The following TOX variants were observed in gnomAD, a reference collection of about 807,000 sequenced individuals.
TOX encodes the protein thymocyte selection associated high mobility group box, also known as thymocyte selection-associated high mobility group box protein TOX.
A neutral mutation model predicts 53.7 loss-of-function variants in TOX; 11 were observed. The ratio of observed to expected loss-of-function variants is 0.20; its 90% CI spans 0.13 to 0.34. TOX has a LOEUF of 0.34. TOX is among the 10% of genes least tolerant of loss of function. The probability of loss-of-function intolerance (pLI) is 1.00; values close to 1 mark genes in which losing one functional copy is unlikely to be tolerated. For missense variants in TOX, 570 were observed against 664.6 expected (o/e 0.86, Z 1.56); for synonymous variants, 225 against 245.3 (o/e 0.92, Z 0.77).
intron 1 of TOX, among the ~76,000 whole-genome samples, chr8:58,965,941 A>G (rs1812891512): frequency 7.4e-6 from 1 of 135,262 alleles, no homozygotes; most frequent in Admixed American, 7.9e-5. Flanking sequence ...CAGAAGAAAT[A>G]AGGTTGGGCA....
rs569542272 is a variant in TOX at position 59,042,099 on chromosome 8, A to G, written c.102+76787T>C. On this transcript the variant is annotated intron_variant, in intron 1 of 8. Coordinates refer to ENST00000361421, the MANE Select transcript of TOX (RefSeq NM_014729.3). The stretch of plus-strand genomic sequence containing the variant: ...CTACAACCAAAGGGGTTTCTAATAA[A>G]ATACAAATAGTGTCCAAGTATTAAA... Among the ~76,000 whole-genome samples, 4 of 152,328 alleles carry G rather than the reference A, an allele frequency of 2.6e-5. No homozygotes were observed. The South Asian group carries it at 8.3e-4, about 32-fold the overall frequency.
chr8:58,884,755 T>G (rs547154871), intron 3 of TOX, among the ~76,000 whole-genome samples: 1 of 152,312 alleles, frequency 6.6e-6, no homozygotes, highest in Non-Finnish European at 1.5e-5. Context: ...CTTTGGTTAT[T>G]CCATAAAGAT....
At position 58,826,855 on chromosome 8, in the gene TOX, T is replaced by C; in HGVS notation, c.972A>G (p.Gln324=). The C allele has an allele frequency of 6.2e-7, 1 of 1,612,458 alleles. No individual in the cohort carries two copies. The highest frequency in any genetic ancestry group is 8.5e-7 in the Non-Finnish European group (1 of 1,179,306). Residue 324 remains glutamine (Q), a synonymous_variant, in exon 6 of 9, where the codon CAA becomes CAG. Coordinates refer to ENST00000361421, the MANE Select transcript of TOX (RefSeq NM_014729.3). The stretch of plus-strand genomic sequence containing the variant: ...CAAGGCTGGCTCTGTATGCTGCGAG[T>C]TGCTTCAGGTACTCCTTCTTCGCAG... ...TEAAKKEYLK[Q]LAAYRASLVS...
chr8:58,894,851 G>A (rs1811614791), intron 3 of TOX, among the ~76,000 whole-genome samples: 1 of 151,898 alleles, frequency 6.6e-6, no homozygotes, highest in Non-Finnish European at 1.5e-5. Flanking sequence ...AGCCGAGATC[G>A]CGCCACTGCA....
intron 1 of TOX, among the ~76,000 whole-genome samples, chr8:59,080,029 C>G (rs996183184): frequency 3.3e-5 from 5 of 150,356 alleles, no homozygotes; most frequent in Admixed American, 3.3e-4. Flanking sequence ...GTCGCCCAGG[C>G]TGGAGTGCAG....
intron 1 of TOX, among the ~76,000 whole-genome samples, chr8:58,988,489 G>A (rs971925792): frequency 3.3e-5 from 5 of 152,154 alleles, no homozygotes; most frequent in Non-Finnish European, 5.9e-5. Context: ...GGAAAATGAT[G>A]CCAACCCCTG....
intron 4 of TOX, among the ~76,000 whole-genome samples, chr8:58,849,078 T>A (rs1810765400): frequency 1.3e-5 from 2 of 152,120 alleles, no homozygotes; most frequent in South Asian, 4.1e-4. Context: ...AATCCTTAAC[T>A]GTAATGAAGA....
chr8:58,979,467 C>T (rs1813161234), intron 1 of TOX, among the ~76,000 whole-genome samples: 1 of 152,206 alleles, frequency 6.6e-6, no homozygotes, highest in South Asian at 2.1e-4. Context: ...TTCTTTTTGT[C>T]TCAGTGATCT....
chr8:58,810,915 T>C (rs1245248195), intron 7 of TOX, among the ~76,000 whole-genome samples: 1 of 152,054 alleles, frequency 6.6e-6, no homozygotes, highest in Non-Finnish European at 1.5e-5. Flanking sequence ...AAGAAAACAT[T>C]ATTAGTTTAA....
chr8:58,848,373 C>A (rs1810753297), intron 4 of TOX, among the ~76,000 whole-genome samples: 1 of 144,060 alleles, frequency 6.9e-6, no homozygotes, highest in Non-Finnish European at 1.5e-5. Flanking sequence ...CTTAGAAAAA[C>A]AAGCCTATTT....
chr8:58,974,009 G>A (rs1313594130), intron 1 of TOX, among the ~76,000 whole-genome samples: 6 of 152,072 alleles, frequency 3.9e-5, no homozygotes, highest in Non-Finnish European at 4.4e-5. Context: ...TGTTGACCAG[G>A]CTGGTCTTGA....
intron 1 of TOX, among the ~76,000 whole-genome samples, chr8:59,088,537 T>C (rs1394600103): frequency 2.0e-5 from 3 of 152,336 alleles, no homozygotes; most frequent in Middle Eastern, 3.4e-3. Flanking sequence ...TTGGACATCA[T>C]AGTCCCTGTT....
At chr8:59,105,006 A>T (rs903812771) in intron 1 of TOX, among the ~76,000 whole-genome samples, 3 of 152,132 alleles carry the variant, frequency 2.0e-5, no homozygotes, top group Non-Finnish European at 4.4e-5. Flanking sequence ...GACCCCCTTA[A>T]CACTTAAAGT....
chr8:59,108,685 C>T (rs1804957954), intron 1 of TOX, among the ~76,000 whole-genome samples: 2 of 145,376 alleles, frequency 1.4e-5, no homozygotes, highest in African/African-American at 2.6e-5. Context: ...CACACACACA[C>T]ATACACACAC....
At chr8:58,984,821 C>A (rs1488268433) in intron 1 of TOX, among the ~76,000 whole-genome samples, 1 of 147,342 alleles carries the variant, frequency 6.8e-6, no homozygotes, top group African/African-American at 2.5e-5. Context: ...CTAAAAAAAT[C>A]CCAGAAAATA....
chr8:58,943,845 C>A (rs1325620775), intron 2 of TOX, among the ~76,000 whole-genome samples: 1 of 152,166 alleles, frequency 6.6e-6, no homozygotes, highest in African/African-American at 2.4e-5. Flanking sequence ...CTTCCCCAAC[C>A]AATGCTGAAA....
chr8:58,887,595 TTATTTTA>T (rs1811490973), intron 3 of TOX, among the ~76,000 whole-genome samples: 1 of 151,994 alleles, frequency 6.6e-6, no homozygotes, highest in Admixed American at 6.6e-5. Context: ...ATAATTGTGT[TTATTTTA>T]TATAGTCTGT....
At chr8:58,815,266 A>G in intron 7 of TOX, 72 bp downstream of exon 7, 1 of 1,509,322 alleles carries the variant, frequency 6.6e-7, no homozygotes, top group Non-Finnish European at 8.9e-7. Context: ...CTGGATAAAC[A>G]GCTCCCCCCA....
At chr8:58,900,473 A>G (rs1209816834) in intron 3 of TOX, among the ~76,000 whole-genome samples, 3 of 152,168 alleles carry the variant, frequency 2.0e-5, no homozygotes, top group African/African-American at 7.2e-5. Flanking sequence ...TGAATACATC[A>G]ACTAGCATTT....
Sources: allele counts gnomAD v4.1 joint callset (sites outside exome capture counted in the v4.1 genomes callset), GRCh38; gene constraint gnomAD v4.1.1; transcripts MANE v1.5; gene names NCBI Gene and HGNC (gene_info 2026-07-23, HGNC 2026-07-21).